The following DUSP2 variants were observed in gnomAD, a reference collection of about 807,000 sequenced individuals.
The protein encoded by DUSP2 is dual specificity protein phosphatase 2.
DUSP2 carries 20 observed loss-of-function variants against 23.3 expected under a neutral mutation model. The ratio of observed to expected loss-of-function variants is 0.86; its 90% CI spans 0.60 to 1.25. DUSP2 has a LOEUF of 1.25. Ranked by LOEUF, DUSP2 falls within the 50% of genes most tolerant of loss-of-function variation. The pLI, the probability that DUSP2 is intolerant of heterozygous loss-of-function variation, is 0.00. For synonymous variants in DUSP2, 231 were observed against 209.7 expected (o/e 1.10, Z -0.88); for missense variants, 435 against 452.6 (o/e 0.96, Z 0.35).
chr2:96,144,999 CG>C lies in DUSP2; in HGVS notation c.355del (p.Arg119AlafsTer122). 6.5e-7 allele frequency: 1 copy of C among 1,542,840 alleles called. No individual in the cohort carries two copies. Among genetic ancestry groups the C allele is most frequent in the Non-Finnish European group, 8.7e-7 (1 of 1,149,982 alleles). ...VLLAALLHET[R>X]AGPTAVYFLR... ...GAAGTACACGGCAGTGGGCCCCGCG[CG>C]GGTCTCGTGCAGCAGCGCGGCCAGC... On this transcript the variant is annotated frameshift_variant, in exon 1 of 4. Transcript: ENST00000288943. LOFTEE classifies it high-confidence loss of function.
At chr2:96,144,737 C>CGG in intron 2 of DUSP2, 24 bp downstream of exon 2, 1 of 1,527,090 alleles carries the variant, frequency 6.5e-7, no homozygotes, top group South Asian at 1.3e-5. Context: ...GAGGGAGGTT[C>CGG]GGGGGAGGGG....
At chr2:96,144,097 C>T in intron 3 of DUSP2, 57 bp downstream of exon 3, 2 of 1,611,668 alleles carry the variant, frequency 1.2e-6, no homozygotes, top group East Asian at 2.2e-5. Flanking sequence ...GAGACAGGTG[C>T]CCCCAGTCCT....
rs1451291529 is a variant in DUSP2, at chr2:96,144,838, C to A, written c.433G>T (p.Glu145Ter). 6.4e-7 allele frequency: 1 copy of A among 1,560,208 alleles called. No homozygotes were observed. Among genetic ancestry groups the A allele is most frequent in the Admixed American group, 1.9e-5 (1 of 51,384 alleles). ...FQGCCPDLCSEAPAPALPPTG... is the reference protein window; with the variant it reads ...FQGCCPDLCS ...GGCGGCAGCGCAGGGGCGGGGGCCT[C>A]AGAGCACAGATCGGGACAGCAGCCC... Residue 145 changes from glutamate to a stop codon, truncating the protein, a stop_gained, in exon 2 of 4, where the codon GAG becomes TAG. Transcript: ENST00000288943. LOFTEE classifies it high-confidence loss of function.
In DUSP2 at chr2:96,145,359, A is replaced by T. The variant is rs1420986315; in HGVS notation, c.-5T>A. 3 of 1,400,800 alleles carry T rather than the reference A, an allele frequency of 2.1e-6. No individual in the cohort carries two copies. Among genetic ancestry groups the T allele is most frequent in the Non-Finnish European group, 2.8e-6 (3 of 1,079,474 alleles). 86.8% of individuals were successfully genotyped at this position (1,400,800 alleles called of 1,614,324 possible). A position where few individuals can be genotyped will look rare whatever the true frequency, so the allele number is the denominator to read the frequency against. On this transcript the variant is annotated 5_prime_UTR_variant, in exon 1 of 4. Coordinates refer to ENST00000288943, the MANE Select transcript of DUSP2 (RefSeq NM_004418.4). ...GCGCGCCGCCTCCAGCCCCATGGCC[A>T]CCGGTGCCTCTTCCTCTTCCTTTCG... is the stretch of plus-strand genomic sequence containing the variant.
rs529392486 is a variant in DUSP2, at chr2:96,144,527, C to G, written c.511-154G>C. ...AGGTCTCAGGAATGTGCGGAGGACA[C>G]ACCGGGACATACATTTCCCTTCATG... is the stretch of plus-strand genomic sequence containing the variant. On this transcript the variant is annotated intron_variant, in intron 2 of 3. Transcript: ENST00000288943. 118 of 770,086 alleles carry G rather than the reference C, an allele frequency of 1.5e-4. No homozygotes were observed. The East Asian group carries it at 2.9e-3, about 19-fold the overall frequency. 47.7% of individuals were successfully genotyped at this position (770,086 alleles called of 1,614,324 possible). A position where few individuals can be genotyped will look rare whatever the true frequency, so the allele number is the denominator to read the frequency against.
chr2:96,145,351 C>G lies in DUSP2; in HGVS notation c.4G>C (p.Gly2Arg). The G allele has an allele frequency of 2.1e-6, 3 of 1,408,382 alleles. No homozygotes were observed. Among genetic ancestry groups the G allele is most frequent in the African/African-American group, 1.5e-5 (1 of 67,194 alleles). 87.2% of individuals were successfully genotyped at this position (1,408,382 alleles called of 1,614,324 possible). A position where few individuals can be genotyped will look rare whatever the true frequency, so the allele number is the denominator to read the frequency against. Residue 2 changes from glycine to arginine, a missense_variant, in exon 1 of 4, where the codon GGG becomes CGG. Physicochemically the swap from Gly to Arg is moderately radical, Grantham distance 125 (BLOSUM62 -2). Transcript: ENST00000288943. The part of the protein sequence containing the change: M[G>R]LEAARELECA... ...TCCAGCTCGCGCGCCGCCTCCAGCCCCATGGCCACCGGTGCCTCTTCCTCT... is the reference window on the plus strand; with the variant it reads ...TCCAGCTCGCGCGCCGCCTCCAGCCGCATGGCCACCGGTGCCTCTTCCTCT...
rs2104787065 is a variant in DUSP2, at chr2:96,143,748, G to A, written c.*75C>T. 2 of 1,556,398 alleles carry A rather than the reference G, an allele frequency of 1.3e-6. No individual in the cohort carries two copies. Among genetic ancestry groups the A allele is most frequent in the East Asian group, 4.5e-5 (2 of 44,140 alleles). ...TGCCAGAGGTGAGGGGACTGTGCTG[G>A]CCCAGAGGGGAGCCCACCAGTCCAC... On this transcript the variant is annotated 3_prime_UTR_variant, in exon 4 of 4. Transcript: ENST00000288943.
At position 96,145,293 on chromosome 2, in the gene DUSP2, G is replaced by T; in HGVS notation, c.62C>A (p.Pro21Gln). Residue 21 changes from proline (P) to glutamine (Q), a missense_variant, in exon 1 of 4, where the codon CCG (proline) becomes CAG (glutamine). By Grantham distance (76) the Pro-to-Gln change is moderately conservative. Coordinates refer to ENST00000288943, the MANE Select transcript of DUSP2 (RefSeq NM_004418.4). The stretch of plus-strand genomic sequence containing the variant: ...CAGCAGCGTGCGTTCCGCCTCCCGC[G>T]GATCCCGCAGCAGCGTGCCCAGCGC... ...CAALGTLLRD[P>Q]REAERTLLLD... 1 of 1,374,190 alleles carries T rather than the reference G, an allele frequency of 7.3e-7. No individual in the cohort carries two copies. Among genetic ancestry groups the T allele is most frequent in the East Asian group, 2.9e-5 (1 of 35,068 alleles). 85.1% of individuals were successfully genotyped at this position (1,374,190 alleles called of 1,614,324 possible).
Position 96,145,046 on chromosome 2 carries a change from G to C in DUSP2, c.309C>G (p.Pro103=). Residue 103 remains proline, a synonymous_variant, in exon 1 of 4, where the codon CCC becomes CCG. Transcript: ENST00000288943. ...EGSASVAELR[P]DSPAHVLLAA... ...CCAGCAGCACATGAGCCGGGCTGTCGGGCCGGAGCTCCGCCACCGAGGCAC... is the reference window on the plus strand; with the variant it reads ...CCAGCAGCACATGAGCCGGGCTGTCCGGCCGGAGCTCCGCCACCGAGGCAC... 2 of 1,527,882 alleles carry C rather than the reference G, an allele frequency of 1.3e-6. No individual in the cohort carries two copies. Among genetic ancestry groups the C allele is most frequent in the Non-Finnish European group, 1.7e-6 (2 of 1,143,372 alleles). The allele number at this position is 1,527,882 out of a possible 1,614,324, so 94.6% of individuals were successfully genotyped here.
At position 96,144,825 on chromosome 2, in the gene DUSP2, G is replaced by C; in HGVS notation, c.446C>G (p.Pro149Arg). 2 of 1,565,594 alleles carry C rather than the reference G, an allele frequency of 1.3e-6. No individual in the cohort carries two copies. The highest frequency in any genetic ancestry group is 1.7e-6 in the Non-Finnish European group (2 of 1,156,194). ...TTTGTCCCCTGTTGGCGGCAGCGCA[G>C]GGGCGGGGGCCTCAGAGCACAGATC... Reference protein sequence around the residue: ...CPDLCSEAPAPALPPTGDKTS... With the variant: ...CPDLCSEAPARALPPTGDKTS... Residue 149 changes from proline (P) to arginine (R), a missense_variant, in exon 2 of 4, where the codon CCT becomes CGT. Pro to Arg is a moderately radical substitution (Grantham distance 103). Transcript: ENST00000288943.
rs1408044070 is a variant in DUSP2, at chr2:96,144,970, G to T, written c.385C>A (p.Arg129=). 1.3e-6 allele frequency: 2 copies of T among 1,545,922 alleles called. No individual in the cohort carries two copies. Among genetic ancestry groups the T allele is most frequent in the Non-Finnish European group, 1.7e-6 (2 of 1,149,286 alleles). The change falls in exon 1 of 4, where the codon CGA becomes AGA. Residue 129 remains arginine, a synonymous_variant. Coordinates refer to ENST00000288943, the MANE Select transcript of DUSP2 (RefSeq NM_004418.4). Reference sequence around the variant, plus strand: ...CAAGGGCGGCCGGCTTGCTCACCTCGCAGGAAGTACACGGCAGTGGGCCCC... The same window carrying T: ...CAAGGGCGGCCGGCTTGCTCACCTCTCAGGAAGTACACGGCAGTGGGCCCC... The part of the protein sequence containing the change: ...RAGPTAVYFL[R]GGFDGFQGCC...
chr2:96,145,332 T>C lies in DUSP2; in HGVS notation c.23A>G (p.Glu8Gly), dbSNP rs1179265043. The C allele has an allele frequency of 1.4e-5, 20 of 1,426,098 alleles. No individual in the cohort carries two copies. The highest frequency in any genetic ancestry group is 1.6e-5 in the Non-Finnish European group (17 of 1,092,810). The allele number at this position is 1,426,098 out of a possible 1,614,324, so 88.3% of individuals were successfully genotyped here. The change falls in exon 1 of 4, where the codon GAG (glutamate) becomes GGG (glycine). Residue 8 changes from glutamate (E) to glycine (G), a missense_variant. Physicochemically the swap from Glu to Gly is moderately conservative, Grantham distance 98 (BLOSUM62 -2). Transcript: ENST00000288943. ...CGTGCCCAGCGCCGCGCACTCCAGC[T>C]CGCGCGCCGCCTCCAGCCCCATGGC... is the stretch of plus-strand genomic sequence containing the variant. The part of the protein sequence containing the change: MGLEAAR[E>G]LECAALGTLL...
At chr2:96,144,936 G>A in intron 1 of DUSP2, 31 bp downstream of exon 1, 1 of 1,548,784 alleles carries the variant, frequency 6.5e-7, no homozygotes, top group Admixed American at 2.0e-5. Context: ...GGAGTCGGGT[G>A]GGGCGGGCCA....
chr2:96,145,200 T>C lies in DUSP2; in HGVS notation c.155A>G (p.Asn52Ser). 3.1e-6 allele frequency: 4 copies of C among 1,282,174 alleles called. No individual in the cohort carries two copies. The highest frequency in any genetic ancestry group is 1.6e-5 in the African/African-American group (1 of 63,738). The allele number at this position is 1,282,174 out of a possible 1,614,324, so 79.4% of individuals were successfully genotyped here. A position where few individuals can be genotyped will look rare whatever the true frequency, so the allele number is the denominator to read the frequency against. Residue 52 changes from asparagine (N) to serine (S), a missense_variant, in exon 1 of 4, where the codon AAC (asparagine) becomes AGC (serine). Asn to Ser is a conservative substitution (Grantham distance 46). Coordinates refer to ENST00000288943, the MANE Select transcript of DUSP2 (RefSeq NM_004418.4). ...HVRAARPVPW[N>S]ALLRRRARGP... ...GCGCGCGCGGCGCCGCAGCAGCGCG[T>C]TCCAAGGCACTGGCCGCGCGGCGCG...
At position 96,144,150 on chromosome 2, in the gene DUSP2, T is replaced by G; in HGVS notation, c.730+4A>C. On this transcript the variant is annotated splice_donor_region_variant and intron_variant, in intron 3 of 3. Coordinates refer to ENST00000288943, the MANE Select transcript of DUSP2 (RefSeq NM_004418.4). ...GGGATTTCTGGGCAGAGGTGCCCCCTTACCAATGAAGCCTATGGCCTCCTG... is the reference window on the plus strand; with the variant it reads ...GGGATTTCTGGGCAGAGGTGCCCCCGTACCAATGAAGCCTATGGCCTCCTG... 1 of 1,613,988 alleles carries G rather than the reference T, an allele frequency of 6.2e-7. No homozygotes were observed. The highest frequency in any genetic ancestry group is 8.5e-7 in the Non-Finnish European group (1 of 1,179,986).
At position 96,144,765 on chromosome 2, in the gene DUSP2, T is replaced by C. The variant is rs1365587009; in HGVS notation, c.506A>G (p.Asp169Gly). The C allele has an allele frequency of 6.3e-7, 1 of 1,588,388 alleles. No homozygotes were observed. Among genetic ancestry groups the C allele is most frequent in the Non-Finnish European group, 8.6e-7 (1 of 1,168,630 alleles). Residue 169 changes from aspartate (D) to glycine (G), a missense_variant, in exon 2 of 4, where the codon GAC (aspartate) becomes GGC (glycine). Transcript: ENST00000288943. ...SRSDSRAPVY[D>G]QGGPVEILPY... is the part of the protein sequence containing the mutation. ...GGGAGGGGGGTCAATACTCACCTGG[T>C]CGTAGACAGGAGCCCTGGAGTCGGA...
chr2:96,144,240 C>T lies in DUSP2; in HGVS notation c.644G>A (p.Gly215Asp), dbSNP rs900982752. 2.8e-5 allele frequency: 45 copies of T among 1,614,018 alleles called. No individual in the cohort carries two copies. The highest frequency in any genetic ancestry group is 1.8e-4 in the Admixed American group (11 of 60,016). The change falls in exon 3 of 4, where the codon GGC (glycine) becomes GAC (aspartate). Residue 215 changes from glycine to aspartate, a missense_variant. Coordinates refer to ENST00000288943, the MANE Select transcript of DUSP2 (RefSeq NM_004418.4). Reference protein sequence around the residue: ...VSASCPNHFEGLFRYKSIPVE... With the variant: ...VSASCPNHFEDLFRYKSIPVE... ...AGGGATACTCTTGTAGCGGAAAAGGCCCTCAAAGTGGTTGGGGCAGCTGGC... is the reference window on the plus strand; with the variant it reads ...AGGGATACTCTTGTAGCGGAAAAGGTCCTCAAAGTGGTTGGGGCAGCTGGC...
rs1384447999 is a variant in DUSP2 at position 96,143,506 on chromosome 2, C to G, written c.*317G>C. 1 of 285,774 alleles carries G rather than the reference C, an allele frequency of 3.5e-6. No individual in the cohort carries two copies. Among genetic ancestry groups the G allele is most frequent in the Non-Finnish European group, 6.7e-6 (1 of 149,280 alleles). 17.7% of individuals were successfully genotyped at this position (285,774 alleles called of 1,614,324 possible). On this transcript the variant is annotated 3_prime_UTR_variant, in exon 4 of 4. Transcript: ENST00000288943. ...GCTCTCAGGCTGCCAAGGGCTTCAA[C>G]ATGGTGGTGGACCAGGGAGAGTCCA...
rs1382087825 is a variant in DUSP2 at position 96,144,246 on chromosome 2, A to C, written c.638T>G (p.Phe213Cys). Residue 213 changes from phenylalanine (F) to cysteine (C), a missense_variant, in exon 3 of 4, where the codon TTT becomes TGT. Transcript: ENST00000288943. ...ACTCTTGTAGCGGAAAAGGCCCTCA[A>C]AGTGGTTGGGGCAGCTGGCGGACAC... ...LNVSASCPNH[F>C]EGLFRYKSIP... is the part of the protein sequence containing the mutation. The C allele has an allele frequency of 6.2e-7, 1 of 1,614,040 alleles. No homozygotes were observed. Among genetic ancestry groups the C allele is most frequent in the Non-Finnish European group, 8.5e-7 (1 of 1,180,002 alleles).
Sources: allele counts gnomAD v4.1 joint callset, GRCh38; gene constraint gnomAD v4.1.1; transcripts MANE v1.5; gene names NCBI Gene and HGNC (gene_info 2026-07-23, HGNC 2026-07-21).